ISM1: variants seen among roughly 807,000 people sequenced by gnomAD.
ISM1 encodes isthmin 1.
In ISM1, 25 loss-of-function variants were observed where a neutral mutation model predicts 46.3. The observed-to-expected ratio is 0.54, with a 90% CI of 0.39 to 0.75. ISM1 has a LOEUF of 0.75. Among genes scored for constraint, ISM1 ranks in the 30% least tolerant of loss-of-function variants. The probability of loss-of-function intolerance (pLI) is 0.00; values close to 1 mark genes in which losing one functional copy is unlikely to be tolerated. For synonymous variants in ISM1, 255 were observed against 256.7 expected, an observed-to-expected ratio of 0.99 and a Z score of 0.06; for missense variants, 536 against 625.4, an observed-to-expected ratio of 0.86 and a Z score of 1.52.
chr20:13,299,324 C>T lies in ISM1; in HGVS notation c.1260C>T (p.Val420=). 6.2e-7 allele frequency: 1 copy of T among 1,613,914 alleles called. No homozygotes were observed. Among genetic ancestry groups the T allele is most frequent in the Non-Finnish European group, 8.5e-7 (1 of 1,179,864 alleles). ...FSAELHYKVD[V]LPWIICKGDW... ...CGGAGCTCCACTACAAGGTGGACGT[C>T]CTGCCCTGGATTATCTGCAAGGGTG... Residue 420 remains valine (V), a synonymous_variant, in exon 6 of 6, where the codon GTC becomes GTT. Coordinates refer to ENST00000262487, the MANE Select transcript of ISM1 (RefSeq NM_080826.2). This position sits in a 1 kb window ranked among gnomAD's most constrained non-coding sequence, Gnocchi z 5.8.
At position 13,299,691 on chromosome 20, in the gene ISM1, T is replaced by C. The variant is rs2123340752; in HGVS notation, c.*232T>C. 1 of 461,268 alleles carries C rather than the reference T, an allele frequency of 2.2e-6. No individual in the cohort carries two copies. The highest frequency in any genetic ancestry group is 4.5e-5 in the South Asian group (1 of 22,196). 28.6% of individuals were successfully genotyped at this position (461,268 alleles called of 1,614,324 possible). On this transcript the variant is annotated 3_prime_UTR_variant, in exon 6 of 6. Coordinates refer to ENST00000262487, the MANE Select transcript of ISM1 (RefSeq NM_080826.2). This position sits in a 1 kb window ranked among gnomAD's most constrained non-coding sequence, Gnocchi z 5.8. ...CCTTGAAAGTGCCCCTGGGGAGCGA[T>C]GTGGGCAGAAGGATGGGGACAACTT...
At chr20:13,273,240 A>ATTTTATTTTATTTTATTTTATTT (rs769456355) in intron 2 of ISM1, among the ~76,000 whole-genome samples, 4 of 149,786 alleles carry the variant, frequency 2.7e-5, no homozygotes, top group Non-Finnish European at 4.4e-5. Context: ...ATTTTATTTT[A>ATTTTATTTTATTTTATTTTATTT]TTTTATTTTA....
At chr20:13,320,899 G>A in the ISM1 span, among the ~76,000 whole-genome samples, 1 of 152,108 alleles carries the variant, frequency 6.6e-6, no homozygotes, top group Non-Finnish European at 1.5e-5. Context: ...TGAGGTGATG[G>A]TGGAAATCAT....
the ISM1 span, among the ~76,000 whole-genome samples, chr20:13,318,136 A>AAAATAAATAAATAAATAAATAAATAAAT: frequency 3.2e-3 from 458 of 145,130 alleles, 2 homozygotes; most frequent in Non-Finnish European, 5.0e-3. Context: ...GACACTTGAA[A>AAAATAAATAAATAAATAAATAAATAAAT]AAATAAATAA....
intron 1 of ISM1, among the ~76,000 whole-genome samples, chr20:13,268,010 A>G (rs2040062134): frequency 6.6e-6 from 1 of 152,240 alleles, no homozygotes; most frequent in African/African-American, 2.4e-5. Flanking sequence ...GTTGGAGATT[A>G]AGGGAAAAAA....
chr20:13,250,073 T>A (rs6109778), intron 1 of ISM1, among the ~76,000 whole-genome samples: 28,753 of 152,108 alleles, frequency 0.19, 2,819 homozygotes, highest in East Asian at 0.25. Flanking sequence ...AGAGCTATCA[T>A]GCATGTTCTC....
At chr20:13,223,470 A>G (rs137864530) in intron 1 of ISM1, among the ~76,000 whole-genome samples, 155 of 152,336 alleles carry the variant, frequency 1.0e-3, no homozygotes, top group African/African-American at 3.6e-3. Context: ...TGAGGTACAG[A>G]GAGGTTAAAA....
intron 2 of ISM1, among the ~76,000 whole-genome samples, chr20:13,275,724 C>T (rs2040171645): frequency 6.6e-6 from 1 of 152,142 alleles, no homozygotes; most frequent in South Asian, 2.1e-4. Flanking sequence ...GCACAGGGCC[C>T]AGTATAGGAT....
chr20:13,316,931 C>T, the ISM1 span, among the ~76,000 whole-genome samples: 1 of 151,512 alleles, frequency 6.6e-6, no homozygotes, highest in Non-Finnish European at 1.5e-5. Flanking sequence ...CAAGTCCTAT[C>T]TAATGCAATA....
chr20:13,279,349 C>CCAA (rs2040213241), intron 2 of ISM1, among the ~76,000 whole-genome samples: 1 of 152,200 alleles, frequency 6.6e-6, no homozygotes, highest in Non-Finnish European at 1.5e-5. Flanking sequence ...CCACAGCAAT[C>CCAA]CAACAGTCAT....
chr20:13,268,624 T>C (rs1297237907), intron 1 of ISM1, among the ~76,000 whole-genome samples: 1 of 152,190 alleles, frequency 6.6e-6, no homozygotes, highest in Non-Finnish European at 1.5e-5. Flanking sequence ...CCCCGGTCAC[T>C]GCATGTTTTA....
At chr20:13,305,700 T>C in the ISM1 span, among the ~76,000 whole-genome samples, 2 of 152,164 alleles carry the variant, frequency 1.3e-5, no homozygotes, top group Admixed American at 6.5e-5. Flanking sequence ...AGGCTTAGTA[T>C]TGGTTTACCA....
At chr20:13,274,349 G>A (rs964726292) in intron 2 of ISM1, among the ~76,000 whole-genome samples, 3 of 152,094 alleles carry the variant, frequency 2.0e-5, no homozygotes, top group Non-Finnish European at 2.9e-5. Flanking sequence ...TGCCGGCCCC[G>A]TCAAAGCATT....
chr20:13,230,776 C>A (rs75393465), intron 1 of ISM1, among the ~76,000 whole-genome samples: 4,713 of 151,584 alleles, frequency 0.031, 255 homozygotes, highest in African/African-American at 0.11. Flanking sequence ...GAAAAAAAAA[C>A]CTCACTTTGC....
chr20:13,231,959 C>G (rs1034340462), intron 1 of ISM1, among the ~76,000 whole-genome samples: 1 of 152,132 alleles, frequency 6.6e-6, no homozygotes, highest in African/African-American at 2.4e-5. Flanking sequence ...TGTCCAAAAT[C>G]TGTATGAAGA....
chr20:13,316,341 A>C, the ISM1 span, among the ~76,000 whole-genome samples: 1 of 152,004 alleles, frequency 6.6e-6, no homozygotes, highest in South Asian at 2.1e-4. Context: ...AGGTAGGTTC[A>C]ATGTTGAATT....
At position 13,239,209 on chromosome 20, in the gene ISM1, T is replaced by C. The variant is rs574221837; in HGVS notation, c.138+17295T>C. On this transcript the variant is annotated intron_variant, in intron 1 of 5. Coordinates refer to ENST00000262487, the MANE Select transcript of ISM1 (RefSeq NM_080826.2). Reference sequence around the variant, plus strand: ...TGAAAGGCAAGTTCTCAGGAAAAAATCTGTGGCAGACTAGGTATTCGAAGT... The same window carrying C: ...TGAAAGGCAAGTTCTCAGGAAAAAACCTGTGGCAGACTAGGTATTCGAAGT... 3.9e-5 allele frequency: 6 copies of C among 152,232 alleles called. No individual in the cohort carries two copies. The East Asian group carries it at 1.2e-3, about 29-fold the overall frequency. The allele number at this position is 152,232 out of a possible 1,614,324, so 9.4% of individuals were successfully genotyped here.
the ISM1 span, among the ~76,000 whole-genome samples, chr20:13,321,902 G>C: frequency 6.6e-6 from 1 of 152,190 alleles, no homozygotes; most frequent in Non-Finnish European, 1.5e-5. Flanking sequence ...TGCTAGCTAT[G>C]TGACCTTGAG....
chr20:13,276,870 G>A (rs1414038100), intron 2 of ISM1, among the ~76,000 whole-genome samples: 1 of 152,196 alleles, frequency 6.6e-6, no homozygotes, highest in Non-Finnish European at 1.5e-5. Context: ...GAAACCTCAG[G>A]CTCAAGATTA....
Sources: allele counts gnomAD v4.1 joint callset (sites outside exome capture counted in the v4.1 genomes callset), GRCh38; gene constraint gnomAD v4.1.1; non-coding constraint Gnocchi (gnomAD v3.1); transcripts MANE v1.5; gene names NCBI Gene and HGNC (gene_info 2026-07-23, HGNC 2026-07-21).